PRR18: variants seen among roughly 807,000 people sequenced by gnomAD.
The protein encoded by PRR18 is proline-rich protein 18.
For missense variants in PRR18, 517 were observed against 437.4 expected, an observed-to-expected ratio of 1.18 and a Z score of -1.62; for synonymous variants, 228 against 220.2, an observed-to-expected ratio of 1.04 and a Z score of -0.32.
chr6:166,307,791 C>G lies in PRR18; in HGVS notation c.352G>C (p.Ala118Pro). 1 of 1,451,038 alleles carries G rather than the reference C, an allele frequency of 6.9e-7. No homozygotes were observed. Among genetic ancestry groups the G allele is most frequent in the Non-Finnish European group, 9.2e-7 (1 of 1,092,490 alleles). 89.9% of individuals were successfully genotyped at this position (1,451,038 alleles called of 1,614,324 possible). A position where few individuals can be genotyped will look rare whatever the true frequency, so the allele number is the denominator to read the frequency against. ...CCCGCCCCCGAGGAGGTGCCCGCGGCGGTGGTCCCCGTCCCCGCCGAGGTC... is the reference window on the plus strand; with the variant it reads ...CCCGCCCCCGAGGAGGTGCCCGCGGGGGTGGTCCCCGTCCCCGCCGAGGTC... ...AATSAGTGTT[A>P]AGTSSGAGPC... Residue 118 changes from alanine to proline, a missense_variant, in exon 1 of 1, where the codon GCC (alanine) becomes CCC (proline). Transcript: ENST00000322583.
rs1276251466 is a variant in PRR18, at chr6:166,306,496, G to C, written c.*759C>G. 1 of 152,220 alleles carries C rather than the reference G, an allele frequency of 6.6e-6. No homozygotes were observed. The highest frequency in any genetic ancestry group is 2.4e-5 in the African/African-American group (1 of 41,442). 9.4% of individuals were successfully genotyped at this position (152,220 alleles called of 1,614,324 possible). A position where few individuals can be genotyped will look rare whatever the true frequency, so the allele number is the denominator to read the frequency against. Reference sequence around the variant, plus strand: ...CTCCAGTTAGCGGGGGAAAGGATATGGTTACGAAACAGCGGAGGAGCTTTA... The same window carrying C: ...CTCCAGTTAGCGGGGGAAAGGATATCGTTACGAAACAGCGGAGGAGCTTTA... On this transcript the variant is annotated 3_prime_UTR_variant, in exon 1 of 1. Transcript: ENST00000322583.
rs1270927004 is a variant in PRR18 at position 166,305,949 on chromosome 6, T to G, written c.*1306A>C. On this transcript the variant is annotated 3_prime_UTR_variant, in exon 1 of 1. Transcript: ENST00000322583. ...ACGGCGCACTCAGAGACCATCTGGG[T>G]GGGGGTGGAACAAGAGCAGCACCGT... The G allele has an allele frequency of 1.3e-5, 2 of 152,130 alleles. No individual in the cohort carries two copies. Among genetic ancestry groups the G allele is most frequent in the Non-Finnish European group, 2.9e-5 (2 of 68,022 alleles). The allele number at this position is 152,130 out of a possible 1,614,324, so 9.4% of individuals were successfully genotyped here. A position where few individuals can be genotyped will look rare whatever the true frequency, so the allele number is the denominator to read the frequency against.
In PRR18 at chr6:166,307,954, G is replaced by A. The variant is rs1221894597; in HGVS notation, c.189C>T (p.Gly63=). 4 of 1,230,318 alleles carry A rather than the reference G, an allele frequency of 3.3e-6. No individual in the cohort carries two copies. The allele number at this position is 1,230,318 out of a possible 1,614,324, so 76.2% of individuals were successfully genotyped here. ...LKRPPARRGP[G]LDRTQPPAPP... ...GGGCCGGCGGCTGCGTCCTGTCCAGGCCGGGGCCGCGCCGGGCCGGCGGCC... is the reference window on the plus strand; with the variant it reads ...GGGCCGGCGGCTGCGTCCTGTCCAGACCGGGGCCGCGCCGGGCCGGCGGCC... The change falls in exon 1 of 1, where the codon GGC becomes GGT. Residue 63 remains glycine (G), a synonymous_variant. Transcript: ENST00000322583.
chr6:166,306,077 G>T lies in PRR18; in HGVS notation c.*1178C>A, dbSNP rs1322189181. Reference sequence around the variant, plus strand: ...ATTCAAAGAAGTTATTCAATGGGTAGGTTTTTTTCTGTTTTTGCAACTCAT... The same window carrying T: ...ATTCAAAGAAGTTATTCAATGGGTATGTTTTTTTCTGTTTTTGCAACTCAT... On this transcript the variant is annotated 3_prime_UTR_variant, in exon 1 of 1. Coordinates refer to ENST00000322583, the MANE Select transcript of PRR18 (RefSeq NM_175922.4). The T allele has an allele frequency of 6.6e-6, 1 of 152,108 alleles. No homozygotes were observed. Among genetic ancestry groups the T allele is most frequent in the East Asian group, 1.9e-4 (1 of 5,204 alleles). 9.4% of individuals were successfully genotyped at this position (152,108 alleles called of 1,614,324 possible).
Position 166,308,249 on chromosome 6 carries a change from C to G in PRR18, c.-107G>C. 1 of 1,097,646 alleles carries G rather than the reference C, an allele frequency of 9.1e-7. No homozygotes were observed. Among genetic ancestry groups the G allele is most frequent in the Non-Finnish European group, 1.2e-6 (1 of 866,042 alleles). The allele number at this position is 1,097,646 out of a possible 1,614,324, so 68.0% of individuals were successfully genotyped here. On this transcript the variant is annotated 5_prime_UTR_variant, in exon 1 of 1. Transcript: ENST00000322583. ...GTCCGGGCGGCCCCTCCACACCCAC[C>G]TGCGTCCAGCCGCGGCCTCTCCGGC...
Position 166,307,756 on chromosome 6 carries a change from T to A in PRR18, c.387A>T (p.Pro129=), listed in dbSNP as rs755263070. The A allele has an allele frequency of 3.3e-6, 5 of 1,504,594 alleles. No individual in the cohort carries two copies. In the African/African-American group the frequency reaches 5.8e-5, roughly 17 times the overall value. 93.2% of individuals were successfully genotyped at this position (1,504,594 alleles called of 1,614,324 possible). The change falls in exon 1 of 1, where the codon CCA becomes CCT. Residue 129 remains proline, a synonymous_variant. Transcript: ENST00000322583. ...AGTSSGAGPC[P]DSAARFCLNL... is the part of the protein sequence containing the mutation. ...TCAGGCAGAAGCGCGCAGCGGAGTC[T>A]GGACAAGGCCCCGCCCCCGAGGAGG...
In PRR18 at chr6:166,307,382, T is replaced by C; in HGVS notation, c.761A>G (p.Glu254Gly). The C allele has an allele frequency of 6.3e-7, 1 of 1,579,102 alleles. No homozygotes were observed. Among genetic ancestry groups the C allele is most frequent in the Non-Finnish European group, 8.5e-7 (1 of 1,170,628 alleles). ...CAGGCCCTCGTCCACCGCCTCTGGC[T>C]CCTCCTCGTACTCCACGTCGTCGTA... ...HRYDDVEYEEEPEAVDEGLVR... is the reference protein window; with the variant it reads ...HRYDDVEYEEGPEAVDEGLVR... The change falls in exon 1 of 1, where the codon GAG becomes GGG. Residue 254 changes from glutamate to glycine, a missense_variant. Glu to Gly is a moderately conservative substitution (Grantham distance 98, BLOSUM62 -2). Transcript: ENST00000322583.
Position 166,307,977 on chromosome 6 carries a change from G to C in PRR18, c.166C>G (p.Pro56Ala), listed in dbSNP as rs1019973718. ...SSWPSATLKR[P>A]PARRGPGLDR... is the part of the protein sequence containing the mutation. ...AGGCCGGGGCCGCGCCGGGCCGGCGGCCTCTTGAGCGTGGCGGAGGGCCAG... is the reference window on the plus strand; with the variant it reads ...AGGCCGGGGCCGCGCCGGGCCGGCGCCCTCTTGAGCGTGGCGGAGGGCCAG... The change falls in exon 1 of 1, where the codon CCG (proline) becomes GCG (alanine). Residue 56 changes from proline to alanine, a missense_variant. Coordinates refer to ENST00000322583, the MANE Select transcript of PRR18 (RefSeq NM_175922.4). 1 of 1,236,832 alleles carries C rather than the reference G, an allele frequency of 8.1e-7. No homozygotes were observed. Among genetic ancestry groups the C allele is most frequent in the African/African-American group, 1.6e-5 (1 of 63,986 alleles). The allele number at this position is 1,236,832 out of a possible 1,614,324, so 76.6% of individuals were successfully genotyped here. A position where few individuals can be genotyped will look rare whatever the true frequency, so the allele number is the denominator to read the frequency against.
rs1183570510 is a variant in PRR18 at position 166,307,587 on chromosome 6, G to A, written c.556C>T (p.Pro186Ser). 13 of 1,229,274 alleles carry A rather than the reference G, an allele frequency of 1.1e-5. No individual in the cohort carries two copies. The highest frequency in any genetic ancestry group is 3.6e-5 in the South Asian group (1 of 27,754). 76.1% of individuals were successfully genotyped at this position (1,229,274 alleles called of 1,614,324 possible). The change falls in exon 1 of 1, where the codon CCG (proline) becomes TCG (serine). Residue 186 changes from proline to serine, a missense_variant. Physicochemically the swap from Pro to Ser is moderately conservative, Grantham distance 74. Transcript: ENST00000322583. ...TCGCTGGCGGGGCCGCCCCTCCGCG[G>A]GCCCGCGGCCCTAGCCGGGAGACAC... Reference protein sequence around the residue: ...APCLPARAAGPRRGGPASDPD... With the variant: ...APCLPARAAGSRRGGPASDPD...
rs1778134471 is a variant in PRR18 at position 166,307,909 on chromosome 6, C to A, written c.234G>T (p.Gln78His). 3 of 1,226,048 alleles carry A rather than the reference C, an allele frequency of 2.4e-6. No individual in the cohort carries two copies. Among genetic ancestry groups the A allele is most frequent in the Non-Finnish European group, 3.1e-6 (3 of 982,890 alleles). The allele number at this position is 1,226,048 out of a possible 1,614,324, so 75.9% of individuals were successfully genotyped here. Residue 78 changes from glutamine to histidine, a missense_variant, in exon 1 of 1, where the codon CAG becomes CAT. Transcript: ENST00000322583. The stretch of plus-strand genomic sequence containing the variant: ...GGGCCCGCGCGCGGCTGGGCAAGGC[C>A]TGGGGGGAGACGCCCGGAGGGGCCG... ...QPPAPPGVSP[Q>H]ALPSRARAPA... is the part of the protein sequence containing the mutation.
Position 166,307,909 on chromosome 6 carries a change from C to T in PRR18, c.234G>A (p.Gln78=). The T allele has an allele frequency of 1.6e-6, 2 of 1,226,156 alleles. No homozygotes were observed. The highest frequency in any genetic ancestry group is 2.0e-6 in the Non-Finnish European group (2 of 982,880). The allele number at this position is 1,226,156 out of a possible 1,614,324, so 76.0% of individuals were successfully genotyped here. A position where few individuals can be genotyped will look rare whatever the true frequency, so the allele number is the denominator to read the frequency against. ...QPPAPPGVSP[Q]ALPSRARAPA... is the part of the protein sequence containing the mutation. ...GGGCCCGCGCGCGGCTGGGCAAGGCCTGGGGGGAGACGCCCGGAGGGGCCG... is the reference window on the plus strand; with the variant it reads ...GGGCCCGCGCGCGGCTGGGCAAGGCTTGGGGGGAGACGCCCGGAGGGGCCG... Residue 78 remains glutamine, a synonymous_variant, in exon 1 of 1, where the codon CAG becomes CAA. Transcript: ENST00000322583.
In PRR18 at chr6:166,308,171, C is replaced by T; in HGVS notation, c.-29G>A. The T allele has an allele frequency of 8.1e-7, 1 of 1,229,144 alleles. No individual in the cohort carries two copies. The highest frequency in any genetic ancestry group is 1.0e-6 in the Non-Finnish European group (1 of 984,642). 76.1% of individuals were successfully genotyped at this position (1,229,144 alleles called of 1,614,324 possible). ...GCAGCCGAGCCGCCGGATCCTCAGC[C>T]CCTGGAAAGAGAGGCGGGCGCTCAG... On this transcript the variant is annotated 5_prime_UTR_variant, in exon 1 of 1. Coordinates refer to ENST00000322583, the MANE Select transcript of PRR18 (RefSeq NM_175922.4).
At position 166,307,439 on chromosome 6, in the gene PRR18, A is replaced by G. The variant is rs1271912434; in HGVS notation, c.704T>C (p.Leu235Pro). 6.5e-7 allele frequency: 1 copy of G among 1,545,420 alleles called. No homozygotes were observed. The highest frequency in any genetic ancestry group is 1.9e-5 in the Admixed American group (1 of 52,554). The change falls in exon 1 of 1, where the codon CTC (leucine) becomes CCC (proline). Residue 235 changes from leucine (L) to proline (P), a missense_variant. Coordinates refer to ENST00000322583, the MANE Select transcript of PRR18 (RefSeq NM_175922.4). ...SPRPGALRPM[L>P]KVSLLNERHR... ...CCGCTCGTTGAGCAGCGACACCTTG[A>G]GCATCGGCCGCAGGGCCCCGGGCCG...
Position 166,307,624 on chromosome 6 carries a change from G to A in PRR18, c.519C>T (p.Arg173=). 14 of 1,353,466 alleles carry A rather than the reference G, an allele frequency of 1.0e-5. No individual in the cohort carries two copies. The highest frequency in any genetic ancestry group is 1.9e-5 in the South Asian group (1 of 53,882). 83.8% of individuals were successfully genotyped at this position (1,353,466 alleles called of 1,614,324 possible). Residue 173 remains arginine (R), a synonymous_variant, in exon 1 of 1, where the codon CGC becomes CGT. Coordinates refer to ENST00000322583, the MANE Select transcript of PRR18 (RefSeq NM_175922.4). ...PFPSPSAEPR[R]LLAPCLPARA... ...TAGCCGGGAGACACGGGGCGAGTAG[G>A]CGCCTGGGTTCGGCCGAGGGTGAGG...
rs1778085453 is a variant in PRR18, at chr6:166,305,691, G to A, written c.*1564C>T. ...CAGTGACAGCCACACTGCAGCAGAA[G>A]CTCAGCTTGGAAGACAGAGGCTGCA... On this transcript the variant is annotated 3_prime_UTR_variant, in exon 1 of 1. Coordinates refer to ENST00000322583, the MANE Select transcript of PRR18 (RefSeq NM_175922.4). 1 of 152,182 alleles carries A rather than the reference G, an allele frequency of 6.6e-6. No individual in the cohort carries two copies. Among genetic ancestry groups the A allele is most frequent in the Non-Finnish European group, 1.5e-5 (1 of 68,050 alleles). The allele number at this position is 152,182 out of a possible 1,614,324, so 9.4% of individuals were successfully genotyped here.
rs747074038 is a variant in PRR18 at position 166,307,785 on chromosome 6, C to T, written c.358G>A (p.Gly120Ser). Reference sequence around the variant, plus strand: ...CAAGGCCCCGCCCCCGAGGAGGTGCCCGCGGCGGTGGTCCCCGTCCCCGCC... The same window carrying T: ...CAAGGCCCCGCCCCCGAGGAGGTGCTCGCGGCGGTGGTCCCCGTCCCCGCC... ...TSAGTGTTAA[G>S]TSSGAGPCPD... The change falls in exon 1 of 1, where the codon GGC (glycine) becomes AGC (serine). Residue 120 changes from glycine (G) to serine (S), a missense_variant. Physicochemically the swap from Gly to Ser is moderately conservative, Grantham distance 56. Coordinates refer to ENST00000322583, the MANE Select transcript of PRR18 (RefSeq NM_175922.4). The T allele has an allele frequency of 1.8e-5, 26 of 1,468,904 alleles. No individual in the cohort carries two copies. Among genetic ancestry groups the T allele is most frequent in the Non-Finnish European group, 2.1e-5 (23 of 1,102,262 alleles). The allele number at this position is 1,468,904 out of a possible 1,614,324, so 91.0% of individuals were successfully genotyped here. A position where few individuals can be genotyped will look rare whatever the true frequency, so the allele number is the denominator to read the frequency against.
rs1778113395 is a variant in PRR18 at position 166,307,345 on chromosome 6, G to A, written c.798C>T (p.Cys266=). ...EAVDEGLVRK[C]TEWLRGVESA... ...ACTCCACGCCGCGCAGCCACTCCGT[G>A]CACTTGCGTACCAGGCCCTCGTCCA... Residue 266 remains cysteine, a synonymous_variant, in exon 1 of 1, where the codon TGC becomes TGT. Transcript: ENST00000322583. 4 of 1,576,126 alleles carry A rather than the reference G, an allele frequency of 2.5e-6. No individual in the cohort carries two copies. The highest frequency in any genetic ancestry group is 4.7e-5 in the East Asian group (2 of 42,256).
rs551598449 is a variant in PRR18 at position 166,307,870 on chromosome 6, G to A, written c.273C>T (p.Ala91=). 207 of 1,251,954 alleles carry A rather than the reference G, an allele frequency of 1.7e-4. 1 individual carries two copies. In the African/African-American group the frequency reaches 3.0e-3, roughly 18 times the overall value. 77.6% of individuals were successfully genotyped at this position (1,251,954 alleles called of 1,614,324 possible). Residue 91 remains alanine, a synonymous_variant, in exon 1 of 1, where the codon GCC becomes GCT. Coordinates refer to ENST00000322583, the MANE Select transcript of PRR18 (RefSeq NM_175922.4). ...GGCCGGAGCCTGCCGGCCGGGGCGG[G>A]GCGCACGTGGCTGGGGCCCGCGCGC... The part of the protein sequence containing the change: ...PSRARAPATC[A]PPRPAGSGHS...
In PRR18 at chr6:166,307,111, G is replaced by A. The variant is rs1778107012; in HGVS notation, c.*144C>T. On this transcript the variant is annotated 3_prime_UTR_variant, in exon 1 of 1. Transcript: ENST00000322583. ...GGCGAGTCTGGCTGCGCCCCACGTGGGCCAGCTTGCGCACTGGTGTCCCGA... is the reference window on the plus strand; with the variant it reads ...GGCGAGTCTGGCTGCGCCCCACGTGAGCCAGCTTGCGCACTGGTGTCCCGA... The A allele has an allele frequency of 1.2e-6, 1 of 868,090 alleles. No homozygotes were observed. The highest frequency in any genetic ancestry group is 1.6e-6 in the Non-Finnish European group (1 of 630,746). The allele number at this position is 868,090 out of a possible 1,614,324, so 53.8% of individuals were successfully genotyped here.
Sources: allele counts gnomAD v4.1 joint callset, GRCh38; gene constraint gnomAD v4.1.1; transcripts MANE v1.5; gene names NCBI Gene and HGNC (gene_info 2026-07-23, HGNC 2026-07-21).